The following BBS9 variants were observed in gnomAD, a reference collection of about 807,000 sequenced individuals.
BBS9 encodes Bardet-Biedl syndrome 9.
A neutral mutation model predicts 117.7 loss-of-function variants in BBS9; 89 were observed. That is an observed-to-expected ratio of 0.76 (90% CI 0.64 to 0.90). The LOEUF (loss-of-function observed/expected upper bound fraction) is 0.90, where lower values mean the gene tolerates loss of function less well. Among genes scored for constraint, BBS9 ranks in the 40% least tolerant of loss-of-function variants. The pLI is 0.00. For synonymous variants in BBS9, 379 were observed against 370.9 expected (o/e 1.02, Z -0.25); for missense variants, 982 against 1,042.2 (o/e 0.94, Z 0.80).
chr7:33,421,988 GAAAATCAT>G (rs773523105), intron 19 of BBS9, among the ~76,000 whole-genome samples: 8 of 152,080 alleles, frequency 5.3e-5, no homozygotes, highest in Non-Finnish European at 1.0e-4. Flanking sequence ...GCACCACCCA[GAAAATCAT>G]AGTTTAAATT....
In BBS9 at chr7:33,539,546, T is replaced by G. The variant is rs183762058; in HGVS notation, c.2521+5370T>G. Among the ~76,000 whole-genome samples, 3 of 152,350 alleles carry G rather than the reference T, an allele frequency of 2.0e-5. No individual in the cohort carries two copies. In the East Asian group the frequency reaches 5.8e-4, roughly 29 times the overall value. On this transcript the variant is annotated intron_variant, in intron 21 of 22. Transcript: ENST00000242067. Reference sequence around the variant, plus strand: ...TTATTCATTATTAAGCAAAAGTGAATGACAATAGTGCATACTCAACTTTGG... The same window carrying G: ...TTATTCATTATTAAGCAAAAGTGAAGGACAATAGTGCATACTCAACTTTGG...
chr7:33,580,223 C>T (rs942111921), intron 21 of BBS9, among the ~76,000 whole-genome samples: 1 of 151,800 alleles, frequency 6.6e-6, no homozygotes, highest in Non-Finnish European at 1.5e-5. Context: ...CACTCCAGCA[C>T]GGTACCCTCT....
chr7:33,408,002 C>T (rs1380250338), intron 19 of BBS9, among the ~76,000 whole-genome samples: 1 of 152,240 alleles, frequency 6.6e-6, no homozygotes, highest in Non-Finnish European at 1.5e-5. Flanking sequence ...GCAGAGGTTA[C>T]TGCTGTCTTT....
chr7:33,576,692 C>T (rs1858951145), intron 21 of BBS9, among the ~76,000 whole-genome samples: 3 of 152,190 alleles, frequency 2.0e-5, no homozygotes, highest in Admixed American at 2.0e-4. Context: ...CAGCATGATA[C>T]TGGTACCAAA....
At chr7:33,372,299 C>A (rs1563079257) in intron 17 of BBS9, among the ~76,000 whole-genome samples, 1 of 151,846 alleles carries the variant, frequency 6.6e-6, no homozygotes, top group Non-Finnish European at 1.5e-5. Flanking sequence ...ATTGAAAAGG[C>A]CTGTTTGTAT....
rs73107623 is a variant in BBS9 at position 33,527,956 on chromosome 7, A to G, written c.2299-5998A>G. Among the ~76,000 whole-genome samples, 1,044 of 152,302 alleles carry G rather than the reference A, an allele frequency of 6.9e-3. 6 individuals are homozygous for G. The highest frequency in any genetic ancestry group is 0.011 in the Non-Finnish European group (769 of 68,006). ...ATTTAGAACTAAAGTACCAAGTTTT[A>G]TTTGTTCTGGGGTTTACAATAACCC... On this transcript the variant is annotated intron_variant, in intron 20 of 22. Coordinates refer to ENST00000242067, the MANE Select transcript of BBS9 (RefSeq NM_198428.3).
chr7:33,308,508 A>G (rs1808502667), intron 9 of BBS9, among the ~76,000 whole-genome samples: 1 of 152,244 alleles, frequency 6.6e-6, no homozygotes, highest in South Asian at 2.1e-4. Flanking sequence ...GTGTCTGTTC[A>G]GAAGATCTGG....
intron 20 of BBS9, among the ~76,000 whole-genome samples, chr7:33,509,403 C>G (rs1004427050): frequency 8.6e-5 from 13 of 152,008 alleles, no homozygotes; most frequent in Admixed American, 5.2e-4. Flanking sequence ...AATATGCAAA[C>G]CTGAAATAAC....
In BBS9 at chr7:33,344,584, GCGAC is replaced by G. The variant is rs1452644432; in HGVS notation, c.1283_1286del (p.Thr428MetfsTer14). 2 of 1,614,060 alleles carry G rather than the reference GCGAC, an allele frequency of 1.2e-6. No individual in the cohort carries two copies. The highest frequency in any genetic ancestry group is 1.7e-6 in the Non-Finnish European group (2 of 1,179,940). On this transcript the variant is annotated frameshift_variant, in exon 12 of 23. Coordinates refer to ENST00000242067, the MANE Select transcript of BBS9 (RefSeq NM_198428.3). LOFTEE classifies it high-confidence loss of function. ...CTTCTCAATTCTGTGTTTACAGCAAGCGACCGATGTTGAGGTGGGAACTGACCTT... is the reference window on the plus strand; with the variant it reads ...CTTCTCAATTCTGTGTTTACAGCAAGCGATGTTGAGGTGGGAACTGACCTT...
chr7:33,332,220 A>C (rs1814234849), intron 9 of BBS9, among the ~76,000 whole-genome samples: 1 of 151,644 alleles, frequency 6.6e-6, no homozygotes, highest in African/African-American at 2.4e-5. Flanking sequence ...CTATTCAATA[A>C]ATGGAGCTGG....
At chr7:33,520,103 G>A (rs956521054) in intron 20 of BBS9, among the ~76,000 whole-genome samples, 1 of 151,904 alleles carries the variant, frequency 6.6e-6, no homozygotes. Flanking sequence ...CCGCTTCTGG[G>A]GTTTAAGCGA....
intron 21 of BBS9, among the ~76,000 whole-genome samples, chr7:33,635,140 C>T (rs1200533082): frequency 2.6e-5 from 4 of 152,162 alleles, no homozygotes; most frequent in Non-Finnish European, 5.9e-5. Context: ...TGGATGCCTC[C>T]TCTGCCATTA....
chr7:33,275,080 A>G (rs1227369704), intron 9 of BBS9, among the ~76,000 whole-genome samples: 3 of 150,064 alleles, frequency 2.0e-5, no homozygotes, highest in Non-Finnish European at 4.4e-5. Context: ...GTTTTCTCCT[A>G]TTAAGGGCTT....
chr7:33,592,501 T>C lies in BBS9; in HGVS notation c.2522-12364T>C, dbSNP rs182644931. On this transcript the variant is annotated intron_variant, in intron 21 of 22. Coordinates refer to ENST00000242067, the MANE Select transcript of BBS9 (RefSeq NM_198428.3). ...TAAAATACGACATTGTTTAATGGGC[T>C]GTTAAACAAATATATCGCTAGATAG... Among the ~76,000 whole-genome samples, 283 of 152,262 alleles carry C rather than the reference T, an allele frequency of 1.9e-3. 2 individuals are homozygous for C. The highest frequency in any genetic ancestry group is 6.4e-3 in the African/African-American group (267 of 41,576).
At chr7:33,547,779 A>G (rs1285751782) in intron 21 of BBS9, among the ~76,000 whole-genome samples, 1 of 152,180 alleles carries the variant, frequency 6.6e-6, no homozygotes, top group African/African-American at 2.4e-5. Context: ...TTGTTTTGAA[A>G]CATTATTGTT....
rs6961840 is a variant in BBS9 at position 33,436,893 on chromosome 7, A to G, written c.2115+48749A>G. 3.3e-3 allele frequency among the ~76,000 whole-genome samples: 497 copies of G among 152,366 alleles called. 2 individuals carry two copies. Among genetic ancestry groups the G allele is most frequent in the African/African-American group, 0.011 (478 of 41,586 alleles). ...AAGCATGGAATACTGTATAAAACAC[A>G]TAAGTTATAAAGCATTAGCCATCTG... On this transcript the variant is annotated intron_variant, in intron 19 of 22. Coordinates refer to ENST00000242067, the MANE Select transcript of BBS9 (RefSeq NM_198428.3).
intron 16 of BBS9, among the ~76,000 whole-genome samples, chr7:33,367,090 T>G (rs1471151477): frequency 1.3e-5 from 2 of 152,224 alleles, no homozygotes. Flanking sequence ...TTTCACACTT[T>G]CTTCATTTTT....
At chr7:33,603,315 G>T (rs888233309) in intron 21 of BBS9, among the ~76,000 whole-genome samples, 3 of 151,846 alleles carry the variant, frequency 2.0e-5, no homozygotes, top group Admixed American at 2.0e-4. Context: ...CCTGTCATTA[G>T]TCTTCCAGGT....
intron 21 of BBS9, among the ~76,000 whole-genome samples, chr7:33,556,950 A>T (rs1313511162): frequency 1.3e-5 from 2 of 152,188 alleles, no homozygotes; most frequent in African/African-American, 4.8e-5. Context: ...CTGGGAGTTG[A>T]AATGTAAGCT....
Sources: gnomAD v4.1 joint callset for allele counts (sites outside exome capture counted in the v4.1 genomes callset) on GRCh38, gnomAD v4.1.1 for gene constraint, MANE v1.5 for transcripts, NCBI Gene and HGNC (gene_info 2026-07-23, HGNC 2026-07-21) for gene names.